The following CTBP1 variants were observed in gnomAD, a reference collection of about 807,000 sequenced individuals.
CTBP1 encodes the protein C-terminal binding protein 1.
In CTBP1, 11 loss-of-function variants were observed where a neutral mutation model predicts 42.1. That is an observed-to-expected ratio of 0.26 (90% CI 0.16 to 0.43). The LOEUF (loss-of-function observed/expected upper bound fraction) is 0.43. Among genes scored for constraint, CTBP1 ranks in the 20% least tolerant of loss-of-function variants. The probability of loss-of-function intolerance (pLI) is 1.00; values close to 1 mark genes in which losing one functional copy is unlikely to be tolerated. For synonymous variants in CTBP1, 324 were observed against 277.1 expected (o/e 1.17, Z -1.68); for missense variants, 399 against 624.3 (o/e 0.64, Z 3.85).
intron 1 of CTBP1, among the ~76,000 whole-genome samples, chr4:1,247,896 C>T (rs1423889095): frequency 6.6e-6 from 1 of 152,244 alleles, no homozygotes; most frequent in African/African-American, 2.4e-5. Context: ...GCGCGACCGC[C>T]TTCCCTTTTC....
intron 1 of CTBP1, among the ~76,000 whole-genome samples, chr4:1,247,417 A>G (rs1732828921): frequency 1.3e-5 from 2 of 151,916 alleles, no homozygotes; most frequent in South Asian, 4.2e-4. Flanking sequence ...CCCAACCAGG[A>G]GCCAAACCCA....
In CTBP1 at chr4:1,212,255, G is replaced by T; in HGVS notation, c.1275C>A (p.Ala425=). 1 of 1,518,268 alleles carries T rather than the reference G, an allele frequency of 6.6e-7. No homozygotes were observed. The highest frequency in any genetic ancestry group is 1.4e-5 in the African/African-American group (1 of 70,220). 94.0% of individuals were successfully genotyped at this position (1,518,268 alleles called of 1,614,324 possible). The part of the protein sequence containing the change: ...TVKPEADRDH[A]SDQL ...TCCTCCCGGGCTACAACTGGTCACT[G>T]GCGTGGTCTCTATCCGCCTCGGGCT... Residue 425 remains alanine, a synonymous_variant, in exon 10 of 10, where the codon GCC becomes GCA. Transcript: ENST00000382952.
intron 7 of CTBP1, 128 bp downstream of exon 7, chr4:1,214,215 C>A (rs555172105): frequency 8.0e-7 from 1 of 1,249,596 alleles, no homozygotes; most frequent in South Asian, 1.8e-5. Context: ...CAAACTCCCC[C>A]ACTGCTGGCC....
intron 1 of CTBP1, chr4:1,245,492 T>C: frequency 2.0e-6 from 2 of 985,374 alleles, no homozygotes; most frequent in Non-Finnish European, 2.4e-6. Context: ...CTGAGGCTCC[T>C]GCCAGCCACG....
At chr4:1,248,110 G>A (rs1235908987) in intron 1 of CTBP1, among the ~76,000 whole-genome samples, 2 of 152,188 alleles carry the variant, frequency 1.3e-5, no homozygotes, top group Non-Finnish European at 1.5e-5. Context: ...GGCCGGCCCA[G>A]GACGCGGGCG....
intron 5 of CTBP1, chr4:1,217,734 G>T (rs1729297357): frequency 6.6e-6 from 1 of 152,242 alleles, no homozygotes. Flanking sequence ...ATGATGTCTG[G>T]CTTAGGATAA....
chr4:1,221,283 C>T lies in CTBP1; in HGVS notation c.514+4077G>A, dbSNP rs976118006. Among the ~76,000 whole-genome samples the T allele has an allele frequency of 5.9e-5, 9 of 152,326 alleles. No homozygotes were observed. In the South Asian group the frequency reaches 1.5e-3, roughly 25 times the overall value. The stretch of plus-strand genomic sequence containing the variant: ...ACCTGCTGGAAGGGCTAGAATTACA[C>T]AGAGTGCTGGCAAGGATACGCGGCT... On this transcript the variant is annotated intron_variant, in intron 5 of 9. Transcript: ENST00000382952.
intron 1 of CTBP1, chr4:1,243,164 G>A (rs1233010578): frequency 1.0e-6 from 1 of 985,336 alleles, no homozygotes; most frequent in African/African-American, 1.7e-5. Flanking sequence ...ACAGCAGCAT[G>A]GCACCAGCCG....
rs949642884 is a variant in CTBP1 at position 1,238,487 on chromosome 4, A to G, written c.8-150T>C. On this transcript the variant is annotated intron_variant, in intron 2 of 9. Transcript: ENST00000382952. This position sits in a 1 kb window ranked among gnomAD's most constrained non-coding sequence, Gnocchi z 5.9. ...TTGTGATATTTGTAAAAAGTAAATT[A>G]AAAATCCACGTGAAAGACAACTCGT... is the stretch of plus-strand genomic sequence containing the variant. 3.1e-5 allele frequency: 32 copies of G among 1,022,700 alleles called. No individual in the cohort carries two copies. The highest frequency in any genetic ancestry group is 3.5e-5 in the Non-Finnish European group (26 of 738,994). The allele number at this position is 1,022,700 out of a possible 1,614,324, so 63.4% of individuals were successfully genotyped here.
intron 8 of CTBP1, among the ~76,000 whole-genome samples, 182 bp from the exon 9 acceptor site, chr4:1,213,212 AC>A (rs1375450727): frequency 1.3e-5 from 2 of 151,090 alleles, no homozygotes; most frequent in Non-Finnish European, 3.0e-5. Context: ...CAGCGTGGGG[AC>A]CCCCAGCCCA....
At chr4:1,248,837 C>A in intron 1 of CTBP1, 79 bp downstream of exon 1, 1 of 904,288 alleles carries the variant, frequency 1.1e-6, no homozygotes, top group Non-Finnish European at 1.3e-6. Context: ...TCGGTCCGCC[C>A]CCGCGCCCCC....
intron 1 of CTBP1, chr4:1,248,635 G>C: frequency 5.1e-6 from 5 of 976,438 alleles, no homozygotes; most frequent in Non-Finnish European, 6.1e-6. Context: ...GGGCAGCCCA[G>C]AGGCCCACAG....
Position 1,213,475 on chromosome 4 carries a change from C to T in CTBP1, c.988+3G>A, listed in dbSNP as rs1473599077. The T allele has an allele frequency of 1.9e-6, 3 of 1,610,470 alleles. No homozygotes were observed. The East Asian group carries it at 6.7e-5, about 36-fold the overall frequency. On this transcript the variant is annotated splice_donor_region_variant and intron_variant, in intron 8 of 9. Coordinates refer to ENST00000382952, the MANE Select transcript of CTBP1 (RefSeq NM_001012614.2). Reference sequence around the variant, plus strand: ...GGCCTGACCGAGCGGCCCCCACGCCCACCTGTGATGGCTCTGCGGATCTCC... The same window carrying T: ...GGCCTGACCGAGCGGCCCCCACGCCTACCTGTGATGGCTCTGCGGATCTCC...
At position 1,230,599 on chromosome 4, in the gene CTBP1, G is replaced by C. The variant is rs188908381; in HGVS notation, c.163-2256C>G. Among the ~76,000 whole-genome samples, 327 of 152,306 alleles carry C rather than the reference G, an allele frequency of 2.1e-3. 1 individual carries two copies. The highest frequency in any genetic ancestry group is 3.6e-3 in the Non-Finnish European group (246 of 68,006). ...CAGTGTGTGTGCAGAGGCTCGGCAT[G>C]GACAGGCTGGACAGACCCACACCAC... On this transcript the variant is annotated intron_variant, in intron 3 of 9. Transcript: ENST00000382952.
intron 1 of CTBP1, among the ~76,000 whole-genome samples, chr4:1,248,414 G>A (rs1577089862): frequency 6.6e-6 from 1 of 151,038 alleles, no homozygotes; most frequent in East Asian, 2.0e-4. Flanking sequence ...ACGGTCGCCG[G>A]CGGCCTCCCC....
intron 8 of CTBP1, 98 bp from the exon 9 acceptor site, chr4:1,213,128 T>C: frequency 1.9e-6 from 2 of 1,065,128 alleles, no homozygotes; most frequent in Non-Finnish European, 2.8e-6. Flanking sequence ...TTCTTGGCAG[T>C]GTGCTCCTCC....
rs1050878032 is a variant in CTBP1 at position 1,233,494 on chromosome 4, G to A, written c.162+4689C>T. Among the ~76,000 whole-genome samples, 1 of 152,160 alleles carries A rather than the reference G, an allele frequency of 6.6e-6. No individual in the cohort carries two copies. Among genetic ancestry groups the A allele is most frequent in the Non-Finnish European group, 1.5e-5 (1 of 68,022 alleles). On this transcript the variant is annotated intron_variant, in intron 3 of 9. Transcript: ENST00000382952. The surrounding 1 kb of genome is among the most constrained non-coding windows in gnomAD (Gnocchi z 4.6). ...GAGCCGCCCTGCCGCTCCAGGCCCCGCAGCCCACACCGGACGCAGCCTCCA... is the reference window on the plus strand; with the variant it reads ...GAGCCGCCCTGCCGCTCCAGGCCCCACAGCCCACACCGGACGCAGCCTCCA...
At chr4:1,229,260 ATG>A (rs1424872111) in intron 3 of CTBP1, among the ~76,000 whole-genome samples, 1 of 152,128 alleles carries the variant, frequency 6.6e-6, no homozygotes, top group Non-Finnish European at 1.5e-5. Flanking sequence ...CAGGGTGGGG[ATG>A]TGTGTGCACC....
At chr4:1,215,820 G>A (rs753431024) in intron 6 of CTBP1, 171 bp downstream of exon 6, 9 of 647,884 alleles carry the variant, frequency 1.4e-5, no homozygotes, top group Non-Finnish European at 2.4e-5. Flanking sequence ...CACAGAAAAC[G>A]CTGTCTGGGC....
Sources: allele counts gnomAD v4.1 joint callset (sites outside exome capture counted in the v4.1 genomes callset), GRCh38; gene constraint gnomAD v4.1.1; non-coding constraint Gnocchi (gnomAD v3.1); transcripts MANE v1.5; gene names NCBI Gene and HGNC (gene_info 2026-07-23, HGNC 2026-07-21).